The following SRSF3 variants were observed in gnomAD, a reference collection of about 807,000 sequenced individuals.
SRSF3 encodes the protein serine and arginine rich splicing factor 3, also known as serine/arginine-rich splicing factor 3.
For missense variants in SRSF3, 58 were observed against 217.1 expected (o/e 0.27, Z 4.61); for synonymous variants, 87 against 73.6 (o/e 1.18, Z -0.93).
Position 36,601,132 on chromosome 6 carries a change from T to A in SRSF3, c.342-20T>A, listed in dbSNP as rs756561551. 1.2e-6 allele frequency: 2 copies of A among 1,611,162 alleles called. No individual in the cohort carries two copies. The highest frequency in any genetic ancestry group is 1.7e-6 in the Non-Finnish European group (2 of 1,178,732). On this transcript the variant is annotated intron_variant, in intron 3 of 5. Transcript: ENST00000373715. ...AATACTAATTGATGATGAGCCTAAT[T>A]TTCCTGTTTCTGCTTTTAGATCTCC... is the stretch of plus-strand genomic sequence containing the variant.
Position 36,600,998 on chromosome 6 carries a change from T to C in SRSF3, c.342-154T>C, listed in dbSNP as rs1340495746. 14 of 446,180 alleles carry C rather than the reference T, an allele frequency of 3.1e-5. No homozygotes were observed. The Admixed American group carries it at 5.1e-4, about 16-fold the overall frequency. The allele number at this position is 446,180 out of a possible 1,614,324, so 27.6% of individuals were successfully genotyped here. The stretch of plus-strand genomic sequence containing the variant: ...TGTGCCTTTTTTTTCTTTTCTTTTT[T>C]TTCTTTTTTTTTTTTTTTTTTTTTT... On this transcript the variant is annotated intron_variant, in intron 3 of 5. Transcript: ENST00000373715.
Position 36,604,238 on chromosome 6 carries a change from G to GAC in SRSF3, c.*2249_*2250insAC, listed in dbSNP as rs1463470448. The GAC allele has an allele frequency of 2.3e-5, 5 of 218,254 alleles. No individual in the cohort carries two copies. Among genetic ancestry groups the GAC allele is most frequent in the African/African-American group, 1.1e-4 (5 of 44,492 alleles). 13.5% of individuals were successfully genotyped at this position (218,254 alleles called of 1,614,324 possible). A position where few individuals can be genotyped will look rare whatever the true frequency, so the allele number is the denominator to read the frequency against. ...AGACCTGTGGTTTAAGGATCAAGGT[G>GAC]TTCACTAGAAGTCACTGTTACTAAT... On this transcript the variant is annotated 3_prime_UTR_variant, in exon 6 of 6. Coordinates refer to ENST00000373715, the MANE Select transcript of SRSF3 (RefSeq NM_003017.5).
chr6:36,601,052 A>G, intron 3 of SRSF3, 100 bp from the exon 4 acceptor site: 1 of 504,680 alleles, frequency 2.0e-6, no homozygotes, highest in Non-Finnish European at 2.9e-6. Flanking sequence ...GTTCTTCGGC[A>G]CATTCACTGG....
Position 36,596,783 on chromosome 6 carries a change from A to T in SRSF3, c.21A>T (p.Pro7=). 1.2e-6 allele frequency: 2 copies of T among 1,613,988 alleles called. No individual in the cohort carries two copies. Among genetic ancestry groups the T allele is most frequent in the South Asian group, 2.2e-5 (2 of 91,064 alleles). Residue 7 remains proline (P), a synonymous_variant, in exon 2 of 6, where the codon CCA becomes CCT. Coordinates refer to ENST00000373715, the MANE Select transcript of SRSF3 (RefSeq NM_003017.5). MHRDSC[P]LDCKVYVGNL... Reference sequence around the variant, plus strand: ...CAGAAATGCATCGTGATTCCTGTCCATTGGACTGTAAGGTTTATGTAGGCA... The same window carrying T: ...CAGAAATGCATCGTGATTCCTGTCCTTTGGACTGTAAGGTTTATGTAGGCA...
chr6:36,601,413 T>A (rs1778713832), intron 4 of SRSF3: 1 of 591,508 alleles, frequency 1.7e-6, no homozygotes, highest in Non-Finnish European at 3.0e-6. Context: ...GTGGTGTGAT[T>A]ATAGCTCACT....
intron 2 of SRSF3, 64 bp from the exon 3 acceptor site, chr6:36,598,785 T>C: frequency 6.3e-7 from 1 of 1,577,888 alleles, no homozygotes; most frequent in Non-Finnish European, 8.6e-7. Flanking sequence ...TGAGAGTACT[T>C]TTGGCTTTAA....
At chr6:36,596,574 C>CGGGGGGGGGG (rs34650091) in intron 1 of SRSF3, among the ~76,000 whole-genome samples, 187 bp from the exon 2 acceptor site, 13 of 91,950 alleles carry the variant, frequency 1.4e-4, no homozygotes, top group South Asian at 1.2e-3. Flanking sequence ...GGCGGGGTGG[C>CGGGGGGGGGG]GGGGGGGGGG....
chr6:36,601,447 G>C, intron 4 of SRSF3: 1 of 570,464 alleles, frequency 1.8e-6, no homozygotes, highest in Non-Finnish European at 3.1e-6. Flanking sequence ...CCTGGCCTTG[G>C]AGTGATCCTC....
intron 1 of SRSF3, among the ~76,000 whole-genome samples, chr6:36,595,870 C>G (rs73408327): frequency 0.026 from 4,023 of 152,224 alleles, 62 homozygotes; most frequent in African/African-American, 0.039. Flanking sequence ...ACATTTGATA[C>G]TAGCCTTGTT....
rs2127506858 is a variant in SRSF3, at chr6:36,602,116, A to C, written c.*127A>C. 6.7e-6 allele frequency: 10 copies of C among 1,491,976 alleles called. No individual in the cohort carries two copies. In the East Asian group the frequency reaches 1.6e-4, roughly 24 times the overall value. The allele number at this position is 1,491,976 out of a possible 1,614,324, so 92.4% of individuals were successfully genotyped here. A position where few individuals can be genotyped will look rare whatever the true frequency, so the allele number is the denominator to read the frequency against. ...ATTTTTAAGATGTTTTAGCTGTTCAAATCTGTTTGTCTCTTGAAACAGTGA... is the reference window on the plus strand; with the variant it reads ...ATTTTTAAGATGTTTTAGCTGTTCACATCTGTTTGTCTCTTGAAACAGTGA... On this transcript the variant is annotated 3_prime_UTR_variant, in exon 6 of 6. Transcript: ENST00000373715.
intron 3 of SRSF3, 46 bp from the exon 4 acceptor site, chr6:36,601,105 TA>T: frequency 7.0e-7 from 1 of 1,418,830 alleles, no homozygotes. Flanking sequence ...CCTCACGCCA[TA>T]AATACTAATT....
rs1778770555 is a variant in SRSF3, at chr6:36,604,036, CAA to C, written c.*2048_*2049del. The C allele has an allele frequency of 1.3e-5, 3 of 230,124 alleles. No individual in the cohort carries two copies. Among genetic ancestry groups the C allele is most frequent in the Middle Eastern group, 1.3e-3 (1 of 766 alleles). 14.3% of individuals were successfully genotyped at this position (230,124 alleles called of 1,614,324 possible). A position where few individuals can be genotyped will look rare whatever the true frequency, so the allele number is the denominator to read the frequency against. On this transcript the variant is annotated 3_prime_UTR_variant, in exon 6 of 6. Coordinates refer to ENST00000373715, the MANE Select transcript of SRSF3 (RefSeq NM_003017.5). The stretch of plus-strand genomic sequence containing the variant: ...TTAACCAGGAGCCCTAGCATAACCT[CAA>C]GACTCTTAGAAACTTTAGAACATGG...
At chr6:36,599,109 T>G in intron 3 of SRSF3, 126 bp downstream of exon 3, 1 of 1,229,296 alleles carries the variant, frequency 8.1e-7, no homozygotes, top group South Asian at 1.5e-5. Flanking sequence ...GTGAAACATT[T>G]GTTGGGTGTA....
chr6:36,597,182 C>T lies in SRSF3; in HGVS notation c.206+214C>T, dbSNP rs533814419. On this transcript the variant is annotated intron_variant, in intron 2 of 5. Transcript: ENST00000373715. ...TGCAGTGGTACAGTCTCCCGCTCCC[C>T]GCAACCTCGGCCTCCGGGGTTCAAG... 194 of 567,184 alleles carry T rather than the reference C, an allele frequency of 3.4e-4. 1 individual carries two copies. Among genetic ancestry groups the T allele is most frequent in the South Asian group, 3.4e-3 (155 of 46,200 alleles). The allele number at this position is 567,184 out of a possible 1,614,324, so 35.1% of individuals were successfully genotyped here.
chr6:36,604,059 C>G lies in SRSF3; in HGVS notation c.*2070C>G. 1 of 228,862 alleles carries G rather than the reference C, an allele frequency of 4.4e-6. No homozygotes were observed. Among genetic ancestry groups the G allele is most frequent in the Non-Finnish European group, 8.7e-6 (1 of 115,410 alleles). The allele number at this position is 228,862 out of a possible 1,614,324, so 14.2% of individuals were successfully genotyped here. A position where few individuals can be genotyped will look rare whatever the true frequency, so the allele number is the denominator to read the frequency against. ...CTCAAGACTCTTAGAAACTTTAGAA[C>G]ATGGAAATTGTTAAAAGCTTTGAAT... On this transcript the variant is annotated 3_prime_UTR_variant, in exon 6 of 6. Transcript: ENST00000373715.
At chr6:36,600,632 C>G (rs1416769433) in intron 3 of SRSF3, 2 of 152,914 alleles carry the variant, frequency 1.3e-5, no homozygotes, top group Non-Finnish European at 2.9e-5. Flanking sequence ...TTTGGTAAGC[C>G]TAAACACACT....
chr6:36,597,820 A>G (rs1481188573), intron 2 of SRSF3, among the ~76,000 whole-genome samples: 1 of 119,002 alleles, frequency 8.4e-6, no homozygotes, highest in Non-Finnish European at 1.8e-5. Flanking sequence ...TTTTTTTTTT[A>G]CTACTGTGAG....
chr6:36,596,655 C>G, intron 1 of SRSF3, 106 bp from the exon 2 acceptor site: 1 of 930,546 alleles, frequency 1.1e-6, no homozygotes, highest in Non-Finnish European at 1.6e-6. Flanking sequence ...TCTTTACGTG[C>G]TACCTTAAAC....
intron 3 of SRSF3, 92 bp from the exon 4 acceptor site, chr6:36,601,060 T>C: frequency 1.6e-6 from 1 of 613,936 alleles, no homozygotes. Flanking sequence ...GCACATTCAC[T>C]GGGCCCAACA....
Sources: allele counts gnomAD v4.1 joint callset (sites outside exome capture counted in the v4.1 genomes callset), GRCh38; gene constraint gnomAD v4.1.1; transcripts MANE v1.5; gene names NCBI Gene and HGNC (gene_info 2026-07-23, HGNC 2026-07-21).